The following SNX29 variants were observed in gnomAD, a reference collection of about 807,000 sequenced individuals.
The protein encoded by SNX29 is sorting nexin 29, also known as sorting nexin-29.
Under a neutral mutation model 102.1 loss-of-function variants are expected in SNX29, and 78 were observed. The ratio of observed to expected loss-of-function variants is 0.76; its 90% CI spans 0.64 to 0.92. The LOEUF (loss-of-function observed/expected upper bound fraction) is 0.92. Ranked by LOEUF, SNX29 falls within the 40% of genes least tolerant of loss-of-function variation. The probability of loss-of-function intolerance (pLI) is 0.00; values close to 1 mark genes in which losing one functional copy is unlikely to be tolerated. For synonymous variants in SNX29, 580 were observed against 414.5 expected, an observed-to-expected ratio of 1.40 and a Z score of -4.85; for missense variants, 1,280 against 1,061.7, an observed-to-expected ratio of 1.21 and a Z score of -2.86.
chr16:12,438,819 G>A (rs574760037), intron 18 of SNX29, among the ~76,000 whole-genome samples: 10 of 152,342 alleles, frequency 6.6e-5, no homozygotes, highest in South Asian at 4.1e-4. Flanking sequence ...TGGAAGGAAC[G>A]TTCTAGACTC....
intron 14 of SNX29, among the ~76,000 whole-genome samples, chr16:12,229,788 T>C (rs1223643371): frequency 6.6e-6 from 1 of 152,224 alleles, no homozygotes; most frequent in Non-Finnish European, 1.5e-5. Flanking sequence ...AGGTTACCTC[T>C]GCAGTCCGAC....
rs150501237 is a variant in SNX29, at chr16:12,485,140, T to G, written c.2178+7281T>G. Among the ~76,000 whole-genome samples, 538 of 152,356 alleles carry G rather than the reference T, an allele frequency of 3.5e-3. 3 individuals are homozygous for G. The highest frequency in any genetic ancestry group is 0.012 in the African/African-American group (498 of 41,580). On this transcript the variant is annotated intron_variant, in intron 19 of 20. Transcript: ENST00000566228. ...TTCAAGGTGACTCGGGAGGTTGTTC[T>G]CACCCGACTTTTGGCTGAATATTTT...
chr16:12,324,433 T>G (rs1168390607), intron 15 of SNX29, among the ~76,000 whole-genome samples: 3 of 147,934 alleles, frequency 2.0e-5, no homozygotes, highest in Non-Finnish European at 4.4e-5. Flanking sequence ...CTGGCATCTG[T>G]TTTTTGTTTG....
At chr16:12,340,025 G>A (rs901090136) in intron 15 of SNX29, among the ~76,000 whole-genome samples, 1 of 152,246 alleles carries the variant, frequency 6.6e-6, no homozygotes, top group Non-Finnish European at 1.5e-5. Flanking sequence ...TGTTCACCAT[G>A]AGGGTCACTG....
intron 14 of SNX29, among the ~76,000 whole-genome samples, chr16:12,276,052 C>T (rs2079240707): frequency 6.6e-6 from 1 of 151,834 alleles, no homozygotes; most frequent in Non-Finnish European, 1.5e-5. Flanking sequence ...GCCACCATGT[C>T]CAGCTGATTT....
intron 14 of SNX29, among the ~76,000 whole-genome samples, chr16:12,269,834 TCAC>T (rs1596698684): frequency 7.8e-6 from 1 of 128,630 alleles, no homozygotes; most frequent in African/African-American, 2.9e-5. Context: ...ATCATCATCA[TCAC>T]CATCATCATC....
chr16:12,124,377 T>C (rs1051510826), intron 11 of SNX29, among the ~76,000 whole-genome samples: 9 of 151,152 alleles, frequency 6.0e-5, no homozygotes, highest in Non-Finnish European at 1.2e-4. Context: ...AAAACTGATA[T>C]TCTTTCTACA....
chr16:12,379,789 G>A (rs13333034), intron 16 of SNX29, among the ~76,000 whole-genome samples: 11,755 of 152,166 alleles, frequency 0.077, 1,382 homozygotes, highest in African/African-American at 0.25. Flanking sequence ...TCTAATTGAG[G>A]GTTTTGGTGA....
chr16:12,324,356 A>G (rs61607556), intron 15 of SNX29, among the ~76,000 whole-genome samples: 19 of 152,206 alleles, frequency 1.2e-4, no homozygotes, highest in African/African-American at 4.6e-4. Context: ...AGGAGTGTCC[A>G]AACAGGATGA....
intron 13 of SNX29, among the ~76,000 whole-genome samples, chr16:12,152,261 C>T (rs753273973): frequency 2.6e-5 from 4 of 152,066 alleles, no homozygotes; most frequent in Non-Finnish European, 5.9e-5. Context: ...AAAAGATTCA[C>T]ATCGTAGAAT....
At chr16:12,537,701 C>T (rs1053021577) in intron 20 of SNX29, among the ~76,000 whole-genome samples, 3 of 152,150 alleles carry the variant, frequency 2.0e-5, no homozygotes, top group East Asian at 1.9e-4. Flanking sequence ...TGAAACTTCA[C>T]TTTGGAAAAA....
chr16:12,064,086 T>C (rs970545776), intron 9 of SNX29, among the ~76,000 whole-genome samples: 1 of 152,116 alleles, frequency 6.6e-6, no homozygotes, highest in Admixed American at 6.5e-5. Context: ...CCGTTCCCCA[T>C]GGAGGGGTCT....
intron 11 of SNX29, among the ~76,000 whole-genome samples, chr16:12,120,418 G>C (rs2053923556): frequency 6.6e-6 from 1 of 152,238 alleles, no homozygotes; most frequent in African/African-American, 2.4e-5. Context: ...GAGAGTGTGT[G>C]TGCGCACACA....
At chr16:12,566,015 C>G (rs989207380) in intron 20 of SNX29, among the ~76,000 whole-genome samples, 1 of 152,216 alleles carries the variant, frequency 6.6e-6, no homozygotes, top group Non-Finnish European at 1.5e-5. Context: ...CCCAGCCCAG[C>G]ATGGTGGTGA....
chr16:12,118,831 GT>G (rs921008094), intron 11 of SNX29, among the ~76,000 whole-genome samples: 15 of 152,114 alleles, frequency 9.9e-5, no homozygotes, highest in African/African-American at 3.6e-4. Flanking sequence ...CGAGGCTGCT[GT>G]GGGAGTTCCT....
At chr16:12,297,487 C>T (rs926677416) in intron 15 of SNX29, among the ~76,000 whole-genome samples, 8 of 152,048 alleles carry the variant, frequency 5.3e-5, no homozygotes, top group Non-Finnish European at 5.9e-5. Context: ...TCACTTCTCT[C>T]CTCCTCCGCA....
At chr16:12,541,564 A>C (rs2077342235) in intron 20 of SNX29, among the ~76,000 whole-genome samples, 1 of 152,272 alleles carries the variant, frequency 6.6e-6, no homozygotes, top group African/African-American at 2.4e-5. Context: ...TCAAGCTGCC[A>C]AATTGCTCTC....
chr16:12,287,205 C>T (rs75173323), intron 15 of SNX29, among the ~76,000 whole-genome samples: 9 of 152,236 alleles, frequency 5.9e-5, no homozygotes, highest in Non-Finnish European at 1.2e-4. Flanking sequence ...CTACACAGGC[C>T]CTGGGAAAGT....
intron 18 of SNX29, among the ~76,000 whole-genome samples, chr16:12,408,031 A>G (rs906343454): frequency 6.6e-6 from 1 of 152,046 alleles, no homozygotes; most frequent in Non-Finnish European, 1.5e-5. Context: ...GGTGGTGCAT[A>G]CTTACAGTCC....
Sources: allele counts gnomAD v4.1 joint callset (sites outside exome capture counted in the v4.1 genomes callset), GRCh38; gene constraint gnomAD v4.1.1; transcripts MANE v1.5; gene names NCBI Gene and HGNC (gene_info 2026-07-23, HGNC 2026-07-21).